The following TMEM132D variants were observed in gnomAD, a reference collection of about 807,000 sequenced individuals.
TMEM132D encodes the protein transmembrane protein 132D.
TMEM132D carries 21 observed loss-of-function variants against 62.3 expected under a neutral mutation model. That is an observed-to-expected ratio of 0.34 (90% CI 0.24 to 0.49). The LOEUF (loss-of-function observed/expected upper bound fraction) is 0.49, where lower values mean the gene tolerates loss of function less well. Among genes scored for constraint, TMEM132D ranks in the 20% least tolerant of loss-of-function variants. TMEM132D has a pLI of 0.99. For synonymous variants in TMEM132D, 621 were observed against 575.6 expected, an observed-to-expected ratio of 1.08 and a Z score of -1.13; for missense variants, 1,346 against 1,402.8, an observed-to-expected ratio of 0.96 and a Z score of 0.65.
intron 3 of TMEM132D, among the ~76,000 whole-genome samples, chr12:129,394,320 T>C (rs927466722): frequency 6.6e-5 from 10 of 152,186 alleles, no homozygotes; most frequent in African/African-American, 2.4e-4. Flanking sequence ...ATACAAACCC[T>C]GAACATGAAG....
intron 4 of TMEM132D, among the ~76,000 whole-genome samples, chr12:129,289,672 A>C (rs549854614): frequency 2.2e-4 from 34 of 152,326 alleles, no homozygotes; most frequent in African/African-American, 7.2e-4. Flanking sequence ...CAAAAAAATT[A>C]ACCAAACTCA....
intron 1 of TMEM132D, among the ~76,000 whole-genome samples, chr12:129,892,056 G>GA (rs1874940748): frequency 6.6e-6 from 1 of 152,164 alleles, no homozygotes; most frequent in Admixed American, 6.5e-5. Context: ...AACAAGGATA[G>GA]AAAAATCAAA....
In TMEM132D at chr12:129,738,592, C is replaced by G. The variant is rs1364906147; in HGVS notation, c.80-37894G>C. On this transcript the variant is annotated intron_variant, in intron 1 of 8. Coordinates refer to ENST00000422113, the MANE Select transcript of TMEM132D (RefSeq NM_133448.3). ...GCAAGACACACTGTAAAACTTCACT[C>G]TCTTTTGGGGGAGGAAATTGGAAAT... is the stretch of plus-strand genomic sequence containing the variant. Among the ~76,000 whole-genome samples, 3 of 152,282 alleles carry G rather than the reference C, an allele frequency of 2.0e-5. 1 individual carries two copies. The South Asian group carries it at 6.2e-4, about 32-fold the overall frequency.
chr12:129,612,412 G>T (rs1878800687), intron 2 of TMEM132D, among the ~76,000 whole-genome samples: 1 of 151,996 alleles, frequency 6.6e-6, no homozygotes, highest in Non-Finnish European at 1.5e-5. Context: ...GACGCTTGGG[G>T]GACCAAGAAT....
chr12:129,494,434 G>A (rs943527133), intron 3 of TMEM132D, among the ~76,000 whole-genome samples: 1 of 152,100 alleles, frequency 6.6e-6, no homozygotes, highest in African/African-American at 2.4e-5. Flanking sequence ...CCACCTGTAG[G>A]CACACTTTTT....
At chr12:129,170,270 A>G (rs1382040524) in intron 5 of TMEM132D, 4 of 152,210 alleles carry the variant, frequency 2.6e-5, no homozygotes, top group African/African-American at 9.7e-5. Flanking sequence ...AGCAGAAAGT[A>G]ATTCACCAAC....
At chr12:129,182,138 G>T (rs1364128371) in intron 5 of TMEM132D, among the ~76,000 whole-genome samples, 2 of 152,120 alleles carry the variant, frequency 1.3e-5, no homozygotes, top group Non-Finnish European at 2.9e-5. Context: ...GAGGTGAGTG[G>T]ATCACCTGGG....
At chr12:129,457,211 C>G (rs953973241) in intron 3 of TMEM132D, among the ~76,000 whole-genome samples, 1 of 151,998 alleles carries the variant, frequency 6.6e-6, no homozygotes, top group East Asian at 1.9e-4. Flanking sequence ...CAATGACAGA[C>G]TAGATTAAGA....
intron 4 of TMEM132D, among the ~76,000 whole-genome samples, chr12:129,313,109 G>C (rs908835592): frequency 5.9e-5 from 9 of 152,318 alleles, no homozygotes; most frequent in Admixed American, 2.0e-4. Context: ...AGAGAGCCAA[G>C]AGGAACTGTT....
chr12:129,740,135 C>A (rs1158322217), intron 1 of TMEM132D, among the ~76,000 whole-genome samples: 3 of 152,152 alleles, frequency 2.0e-5, no homozygotes, highest in Non-Finnish European at 4.4e-5. Context: ...ACCACTCCTG[C>A]TACCCTGGGG....
At chr12:129,551,805 C>T (rs1876905751) in intron 2 of TMEM132D, among the ~76,000 whole-genome samples, 1 of 152,132 alleles carries the variant, frequency 6.6e-6, no homozygotes, top group Non-Finnish European at 1.5e-5. Flanking sequence ...CACCAAGGGT[C>T]CAAAGTGCTA....
chr12:129,138,202 G>A (rs1361524648), intron 5 of TMEM132D, among the ~76,000 whole-genome samples: 1 of 152,200 alleles, frequency 6.6e-6, no homozygotes, highest in East Asian at 1.9e-4. Flanking sequence ...GTGCTGCCAG[G>A]CATTCCATTT....
At chr12:129,239,159 T>C (rs1483377296) in intron 4 of TMEM132D, among the ~76,000 whole-genome samples, 1 of 152,206 alleles carries the variant, frequency 6.6e-6, no homozygotes, top group Non-Finnish European at 1.5e-5. Context: ...TCTGTTCATG[T>C]TCTTTGCTCA....
chr12:129,082,079 C>T (rs1243079689), intron 6 of TMEM132D, 47 bp from the exon 7 acceptor site: 2 of 1,550,738 alleles, frequency 1.3e-6, no homozygotes, highest in Non-Finnish European at 1.7e-6. Flanking sequence ...TGTTGGTCCT[C>T]TGTAAGGGGC....
At chr12:129,150,242 T>G (rs1263282212) in intron 5 of TMEM132D, among the ~76,000 whole-genome samples, 1 of 152,016 alleles carries the variant, frequency 6.6e-6, no homozygotes, top group African/African-American at 2.4e-5. Context: ...CCATCCAGAG[T>G]GTGCTGGGTG....
intron 3 of TMEM132D, among the ~76,000 whole-genome samples, chr12:129,523,053 C>T (rs934190502): frequency 3.2e-4 from 48 of 152,200 alleles, no homozygotes; most frequent in African/African-American, 9.6e-4. Flanking sequence ...CTGCTACTGA[C>T]GGTTTCCATG....
At chr12:129,360,246 C>A (rs1202088159) in intron 3 of TMEM132D, among the ~76,000 whole-genome samples, 1 of 152,138 alleles carries the variant, frequency 6.6e-6, no homozygotes, top group Non-Finnish European at 1.5e-5. Flanking sequence ...GAGACATACC[C>A]CACAACCTCC....
intron 2 of TMEM132D, among the ~76,000 whole-genome samples, chr12:129,655,183 G>A (rs917381119): frequency 2.0e-5 from 3 of 150,756 alleles, no homozygotes; most frequent in South Asian, 4.2e-4. Flanking sequence ...TCTTGACCTC[G>A]TGATCCATCT....
chr12:129,770,140 G>GTTTTTTTTTTTTTTTT (rs375230592), intron 1 of TMEM132D, among the ~76,000 whole-genome samples: 3 of 104,306 alleles, frequency 2.9e-5, no homozygotes, highest in Non-Finnish European at 3.7e-5. Flanking sequence ...GGTTTTTTTG[G>GTTTTTTTTTTTTTTTT]TTGTTTTTTT....
Sources: allele counts gnomAD v4.1 joint callset (sites outside exome capture counted in the v4.1 genomes callset), GRCh38; gene constraint gnomAD v4.1.1; transcripts MANE v1.5; gene names NCBI Gene and HGNC (gene_info 2026-07-23, HGNC 2026-07-21).